The following ATP2A2 variants were observed in gnomAD, a reference collection of about 807,000 sequenced individuals.
ATP2A2 encodes sarcoplasmic/endoplasmic reticulum calcium ATPase 2.
ATP2A2 carries 14 observed loss-of-function variants against 109.3 expected under a neutral mutation model. That is an observed-to-expected ratio of 0.13 (90% CI 0.08 to 0.20). The LOEUF is 0.20. ATP2A2 is among the 10% of genes least tolerant of loss of function. The pLI, the probability that ATP2A2 is intolerant of heterozygous loss-of-function variation, is 1.00. For missense variants in ATP2A2, 657 were observed against 1,321.6 expected, an observed-to-expected ratio of 0.50 and a Z score of 7.80; for synonymous variants, 506 against 490.9, an observed-to-expected ratio of 1.03 and a Z score of -0.41.
intron 14 of ATP2A2, among the ~76,000 whole-genome samples, chr12:110,341,846 C>T (rs150773563): frequency 1.3e-5 from 2 of 152,168 alleles, no homozygotes; most frequent in Admixed American, 6.5e-5. Flanking sequence ...ACAGCCTGGG[C>T]GACAGAGCGG....
intron 5 of ATP2A2, among the ~76,000 whole-genome samples, chr12:110,309,500 C>T (rs2137761644): frequency 6.6e-6 from 1 of 152,198 alleles, no homozygotes; most frequent in Non-Finnish European, 1.5e-5. Flanking sequence ...CTAATCATTC[C>T]AAAGAGAAAC....
At chr12:110,303,314 A>G (rs201486263) in intron 5 of ATP2A2, among the ~76,000 whole-genome samples, 2 of 151,664 alleles carry the variant, frequency 1.3e-5, no homozygotes, top group East Asian at 1.9e-4. Flanking sequence ...CAACCTGTGT[A>G]CCTCCCAGTT....
At position 110,346,673 on chromosome 12, in the gene ATP2A2, A is replaced by G. The variant is rs1879895767; in HGVS notation, c.*203A>G. On this transcript the variant is annotated 3_prime_UTR_variant, in exon 20 of 20. Transcript: ENST00000539276. The stretch of plus-strand genomic sequence containing the variant: ...ATACACATAATTAAAGTGTCCATTG[A>G]CATGTACAGAGAACTAACACTATTT... 2.8e-6 allele frequency: 4 copies of G among 1,438,546 alleles called. No homozygotes were observed. Among genetic ancestry groups the G allele is most frequent in the Non-Finnish European group, 3.6e-6 (4 of 1,104,298 alleles). 89.1% of individuals were successfully genotyped at this position (1,438,546 alleles called of 1,614,324 possible). A position where few individuals can be genotyped will look rare whatever the true frequency, so the allele number is the denominator to read the frequency against.
At position 110,346,286 on chromosome 12, in the gene ATP2A2, C is replaced by T. The variant is rs149024535; in HGVS notation, c.2945C>T (p.Thr982Met). ...ISLPVILMDE[T>M]LKFVARNYLE... ...TTGCCCGTGATTCTCATGGATGAGA[C>T]GCTCAAGTTTGTGGCCCGCAACTAC... Residue 982 changes from threonine (T) to methionine (M), a missense_variant, in exon 20 of 20, where the codon ACG (threonine) becomes ATG (methionine). Around this residue, in one of 9 missense-constraint regions of ATP2A2, gnomAD observed 125 missense variants for 243.5 expected, o/e 0.51. Transcript: ENST00000539276. 1,572 of 1,614,114 alleles carry T rather than the reference C, an allele frequency of 9.7e-4. 15 individuals are homozygous for T. The highest frequency in any genetic ancestry group is 4.2e-4 in the Non-Finnish European group (496 of 1,180,010).
chr12:110,334,887 C>T (rs1878693249), intron 11 of ATP2A2, among the ~76,000 whole-genome samples: 8 of 152,178 alleles, frequency 5.3e-5, no homozygotes, highest in Admixed American at 5.2e-4. Context: ...CGCGCCTGGG[C>T]ATCAAACATT....
chr12:110,282,710 C>A lies in ATP2A2; in HGVS notation c.137-3C>A, dbSNP rs113009436. 2 of 1,614,042 alleles carry A rather than the reference C, an allele frequency of 1.2e-6. No individual in the cohort carries two copies. The highest frequency in any genetic ancestry group is 1.7e-6 in the Non-Finnish European group (2 of 1,179,982). On this transcript the variant is annotated splice_polypyrimidine_tract_variant and splice_region_variant and intron_variant, in intron 2 of 19. Coordinates refer to ENST00000539276, the MANE Select transcript of ATP2A2 (RefSeq NM_170665.4). ...TTAAAACACATGTGTTTGTTTCTTA[C>A]AGGAAAAACCTTGCTGGAACTTGTG...
At chr12:110,292,229 T>C (rs1873393965) in intron 4 of ATP2A2, 105 bp downstream of exon 4, 1 of 872,094 alleles carries the variant, frequency 1.1e-6, no homozygotes, top group African/African-American at 1.7e-5. Flanking sequence ...TGAGTAAAAA[T>C]ATGTTTGCGG....
intron 3 of ATP2A2, among the ~76,000 whole-genome samples, chr12:110,288,034 G>A (rs1872842891): frequency 6.6e-6 from 1 of 151,750 alleles, no homozygotes; most frequent in Admixed American, 6.6e-5. Context: ...CAGACACCTG[G>A]GCTGAAGCCT....
rs770342209 is a variant in ATP2A2 at position 110,339,737 on chromosome 12, G to C, written c.1761+16G>C. On this transcript the variant is annotated intron_variant, in intron 13 of 19. Transcript: ENST00000539276. This position sits in a 1 kb window ranked among gnomAD's most constrained non-coding sequence, Gnocchi z 4.4. ...TAAATATGAGGTTAGCTAATGAAAAGTTTCTTTGTCCACACCCTGCACGAT... is the reference window on the plus strand; with the variant it reads ...TAAATATGAGGTTAGCTAATGAAAACTTTCTTTGTCCACACCCTGCACGAT... 2 of 1,612,046 alleles carry C rather than the reference G, an allele frequency of 1.2e-6. No homozygotes were observed. The highest frequency in any genetic ancestry group is 8.5e-7 in the Non-Finnish European group (1 of 1,178,714).
At chr12:110,319,223 G>GAAAAAAAAAAAAAAAA (rs59623372) in intron 5 of ATP2A2, among the ~76,000 whole-genome samples, 43 of 63,390 alleles carry the variant, frequency 6.8e-4, no homozygotes, top group Non-Finnish European at 8.9e-4. Context: ...AATAAAAAAT[G>GAAAAAAAAAAAAAAAA]AAAAAAAAAA....
At chr12:110,302,011 A>G (rs1874708210) in intron 5 of ATP2A2, among the ~76,000 whole-genome samples, 3 of 152,134 alleles carry the variant, frequency 2.0e-5, no homozygotes. Flanking sequence ...CTATATTGTA[A>G]TATAGTTTTG....
intron 4 of ATP2A2, among the ~76,000 whole-genome samples, chr12:110,293,797 A>G (rs1873617017): frequency 7.0e-6 from 1 of 143,230 alleles, no homozygotes; most frequent in African/African-American, 2.6e-5. Flanking sequence ...AAGATGGCCT[A>G]CTTAGAGATT....
intron 5 of ATP2A2, among the ~76,000 whole-genome samples, chr12:110,309,310 A>C (rs970217109): frequency 2.0e-5 from 3 of 151,164 alleles, no homozygotes; most frequent in African/African-American, 7.3e-5. Context: ...AGTGCCCGCC[A>C]CCACACCCGG....
At chr12:110,305,260 C>G (rs1430072995) in intron 5 of ATP2A2, among the ~76,000 whole-genome samples, 1 of 152,088 alleles carries the variant, frequency 6.6e-6, no homozygotes, top group African/African-American at 2.4e-5. Context: ...TTAAATTAGC[C>G]AGGCAAGGTG....
intron 11 of ATP2A2, among the ~76,000 whole-genome samples, chr12:110,336,344 A>T (rs762960783): frequency 4.6e-5 from 7 of 152,208 alleles, no homozygotes; most frequent in Non-Finnish European, 8.8e-5. Flanking sequence ...GTATAAAGGC[A>T]AGCCTCATTT....
chr12:110,346,297 G>C lies in ATP2A2; in HGVS notation c.2956G>C (p.Val986Leu). The C allele has an allele frequency of 6.2e-7, 1 of 1,614,168 alleles. No individual in the cohort carries two copies. The highest frequency in any genetic ancestry group is 8.5e-7 in the Non-Finnish European group (1 of 1,180,038). The change falls in exon 20 of 20, where the codon GTG (valine) becomes CTG (leucine). Residue 986 changes from valine to leucine, a missense_variant. Around this residue, in one of 9 missense-constraint regions of ATP2A2, gnomAD observed 125 missense variants for 243.5 expected, o/e 0.51. Transcript: ENST00000539276. ...VILMDETLKF[V>L]ARNYLEPGKE... The stretch of plus-strand genomic sequence containing the variant: ...TCTCATGGATGAGACGCTCAAGTTT[G>C]TGGCCCGCAACTACCTGGAACCTGG...
chr12:110,342,106 T>C lies in ATP2A2; in HGVS notation c.2098-122T>C. On this transcript the variant is annotated intron_variant, in intron 14 of 19. Transcript: ENST00000539276. The surrounding 1 kb of genome is among the most constrained non-coding windows in gnomAD (Gnocchi z 4.6). ...ACTTATGAAACAAAAATTCTAAAAC[T>C]CTTTGCCAAGAGACCTACGGCTCTA... The C allele has an allele frequency of 8.9e-7, 1 of 1,119,104 alleles. No individual in the cohort carries two copies. The highest frequency in any genetic ancestry group is 1.3e-6 in the Non-Finnish European group (1 of 746,762). 69.3% of individuals were successfully genotyped at this position (1,119,104 alleles called of 1,614,324 possible). A position where few individuals can be genotyped will look rare whatever the true frequency, so the allele number is the denominator to read the frequency against.
intron 9 of ATP2A2, 25 bp from the exon 10 acceptor site, chr12:110,333,156 C>A: frequency 6.3e-7 from 1 of 1,591,390 alleles, no homozygotes; most frequent in South Asian, 1.1e-5. Context: ...ATACCCTGCT[C>A]TAAGAGTGTT....
rs1880012210 is a variant in ATP2A2 at position 110,347,698 on chromosome 12, A to G, written c.*1228A>G. On this transcript the variant is annotated 3_prime_UTR_variant, in exon 20 of 20. Coordinates refer to ENST00000539276, the MANE Select transcript of ATP2A2 (RefSeq NM_170665.4). ...CCGTTACTACGATCAATGTTTGCGC[A>G]TGTTCGAGATGAGTCTCACCAACAG... The G allele has an allele frequency of 1.7e-6, 2 of 1,167,186 alleles. No individual in the cohort carries two copies. The highest frequency in any genetic ancestry group is 1.6e-5 in the African/African-American group (1 of 62,242). 72.3% of individuals were successfully genotyped at this position (1,167,186 alleles called of 1,614,324 possible). A position where few individuals can be genotyped will look rare whatever the true frequency, so the allele number is the denominator to read the frequency against.
Sources: gnomAD v4.1 joint callset for allele counts (sites outside exome capture counted in the v4.1 genomes callset) on GRCh38, gnomAD v4.1.1 for gene constraint, gnomAD v4.1.1 regional missense constraint, Gnocchi (gnomAD v3.1) non-coding constraint, MANE v1.5 for transcripts, NCBI Gene and HGNC (gene_info 2026-07-23, HGNC 2026-07-21) for gene names.